DIAPH3: variants seen among roughly 807,000 people sequenced by gnomAD.
DIAPH3 encodes diaphanous related formin 3.
A neutral mutation model predicts 144.3 loss-of-function variants in DIAPH3; 117 were observed. The observed-to-expected ratio is 0.81, with a 90% confidence interval of 0.70 to 0.95. DIAPH3 has a LOEUF of 0.95. Among genes scored for constraint, DIAPH3 ranks in the 40% least tolerant of loss-of-function variants. The pLI is 0.00. For synonymous variants in DIAPH3, 519 were observed against 488.9 expected, an observed-to-expected ratio of 1.06 and a Z score of -0.81; for missense variants, 1,421 against 1,412.7, an observed-to-expected ratio of 1.01 and a Z score of -0.09.
chr13:60,030,565 CT>C (rs2054712251), intron 5 of DIAPH3, among the ~76,000 whole-genome samples: 1 of 152,068 alleles, frequency 6.6e-6, no homozygotes, highest in Admixed American at 6.6e-5. Flanking sequence ...TTAACATGTA[CT>C]CTGATCTTCT....
intron 17 of DIAPH3, among the ~76,000 whole-genome samples, chr13:59,950,969 CAATTTTCTA>C (rs1476844298): frequency 6.6e-6 from 1 of 151,910 alleles, no homozygotes; most frequent in Non-Finnish European, 1.5e-5. Context: ...TTTCTTTCAT[CAATTTTCTA>C]AATTTTCTGT....
At chr13:59,819,093 T>C (rs2040931189) in intron 24 of DIAPH3, among the ~76,000 whole-genome samples, 1 of 151,896 alleles carries the variant, frequency 6.6e-6, no homozygotes, top group Non-Finnish European at 1.5e-5. Flanking sequence ...CTTACTTAAT[T>C]GAACTTAATT....
intron 9 of DIAPH3, among the ~76,000 whole-genome samples, chr13:60,000,063 G>A (rs1717854852): frequency 6.6e-6 from 1 of 152,144 alleles, no homozygotes; most frequent in South Asian, 2.1e-4. Flanking sequence ...ATTTTCATAT[G>A]TTACTATGAG....
intron 4 of DIAPH3, among the ~76,000 whole-genome samples, chr13:60,089,014 T>A (rs2057843231): frequency 6.6e-6 from 1 of 152,224 alleles, no homozygotes; most frequent in Admixed American, 6.5e-5. Context: ...GAATCCTTTT[T>A]AACACATACT....
intron 27 of DIAPH3, among the ~76,000 whole-genome samples, chr13:59,734,842 T>C (rs905608317): frequency 1.3e-5 from 2 of 152,200 alleles, no homozygotes; most frequent in South Asian, 2.1e-4. Flanking sequence ...CAAAAGTTTA[T>C]TTCTTGAAGT....
At chr13:59,804,053 T>C (rs1406145276) in intron 25 of DIAPH3, among the ~76,000 whole-genome samples, 1 of 152,184 alleles carries the variant, frequency 6.6e-6, no homozygotes, top group Non-Finnish European at 1.5e-5. Flanking sequence ...TAACTTCTAT[T>C]CTGAGTCAAA....
chr13:60,069,146 G>A (rs1379817669), intron 4 of DIAPH3, among the ~76,000 whole-genome samples: 1 of 152,066 alleles, frequency 6.6e-6, no homozygotes. Context: ...GCCAGCACCA[G>A]TTATTTTTTG....
At chr13:59,818,053 A>C (rs1185856078) in intron 24 of DIAPH3, among the ~76,000 whole-genome samples, 3 of 151,930 alleles carry the variant, frequency 2.0e-5, no homozygotes, top group Non-Finnish European at 4.4e-5. Flanking sequence ...CTATCGAACT[A>C]TAATCCTTAG....
At chr13:59,690,580 T>A (rs529979926) in intron 27 of DIAPH3, among the ~76,000 whole-genome samples, 1 of 152,304 alleles carries the variant, frequency 6.6e-6, no homozygotes, top group Non-Finnish European at 1.5e-5. Context: ...ACATTATGGG[T>A]TAAATAGACT....
intron 24 of DIAPH3, among the ~76,000 whole-genome samples, chr13:59,830,256 T>C (rs1198000876): frequency 6.6e-6 from 1 of 151,826 alleles, no homozygotes; most frequent in African/African-American, 2.4e-5. Flanking sequence ...CAAAGCGATA[T>C]ATTTTGTCTA....
At chr13:59,901,758 C>G (rs1264975680) in intron 20 of DIAPH3, among the ~76,000 whole-genome samples, 1 of 152,172 alleles carries the variant, frequency 6.6e-6, no homozygotes, top group Non-Finnish European at 1.5e-5. Context: ...GACAATGGTA[C>G]AGTCTACCAA....
At chr13:59,861,219 CAAATT>C (rs767612219) in intron 22 of DIAPH3, 183 bp downstream of exon 22, 2 of 1,486,098 alleles carry the variant, frequency 1.3e-6, no homozygotes, top group Non-Finnish European at 1.8e-6. Flanking sequence ...TCTAACTAAA[CAAATT>C]AAACTCATAG....
chr13:59,702,836 A>G (rs2138763778), intron 27 of DIAPH3, among the ~76,000 whole-genome samples: 1 of 152,216 alleles, frequency 6.6e-6, no homozygotes, highest in Admixed American at 6.5e-5. Flanking sequence ...TGCTGCATAC[A>G]AGCACACTTC....
chr13:60,031,341 C>T (rs1429607625), intron 5 of DIAPH3, among the ~76,000 whole-genome samples: 1 of 152,150 alleles, frequency 6.6e-6, no homozygotes, highest in Admixed American at 6.5e-5. Context: ...ACACCTCCCC[C>T]AGGCCCCACC....
intron 12 of DIAPH3, among the ~76,000 whole-genome samples, chr13:59,987,146 TA>T (rs1215854187): frequency 3.3e-5 from 5 of 151,736 alleles, no homozygotes; most frequent in African/African-American, 4.8e-5. Context: ...TATGCAGCCA[TA>T]AAAAATGATG....
At chr13:59,880,086 G>A (rs1460232041) in intron 20 of DIAPH3, among the ~76,000 whole-genome samples, 1 of 152,088 alleles carries the variant, frequency 6.6e-6, no homozygotes, top group Admixed American at 6.6e-5. Flanking sequence ...AGGCAGAAGC[G>A]GTGCAAACCC....
rs11344639 is a variant in DIAPH3, at chr13:60,065,253, T to TAAA, written c.496-22436_496-22434dup. 5.1e-3 allele frequency among the ~76,000 whole-genome samples: 451 copies of TAAA among 88,038 alleles called. 1 individual carries two copies. Among genetic ancestry groups the TAAA allele is most frequent in the Middle Eastern group, 0.041 (5 of 122 alleles). 57.8% of individuals were successfully genotyped at this position (88,038 alleles called of 152,430 possible). On this transcript the variant is annotated intron_variant, in intron 4 of 27. Coordinates refer to ENST00000400324, the MANE Select transcript of DIAPH3 (RefSeq NM_001042517.2). ...GGGTTTCCACAGTCCTTTAATTTAT[T>TAAA]AAAAAAAAAAAAAAAAAAAAAAGCA...
intron 23 of DIAPH3, chr13:59,838,893 G>A (rs532147026): frequency 6.1e-6 from 1 of 163,428 alleles, no homozygotes; most frequent in East Asian, 1.7e-4. Context: ...CAGATCACTT[G>A]AGGTCAGGAG....
At chr13:60,130,608 G>A (rs73203961) in intron 2 of DIAPH3, among the ~76,000 whole-genome samples, 6,786 of 152,176 alleles carry the variant, frequency 0.045, 197 homozygotes, top group East Asian at 0.1. Flanking sequence ...TCCAATACCA[G>A]GCAGGTTATC....
Sources: gnomAD v4.1 joint callset for allele counts (sites outside exome capture counted in the v4.1 genomes callset) on GRCh38, gnomAD v4.1.1 for gene constraint, MANE v1.5 for transcripts, NCBI Gene and HGNC (gene_info 2026-07-23, HGNC 2026-07-21) for gene names.